ZHX3: variants seen among roughly 807,000 people sequenced by gnomAD.
ZHX3 encodes the protein zinc fingers and homeoboxes 3, also known as zinc fingers and homeoboxes protein 3.
Under a neutral mutation model 64.5 loss-of-function variants are expected in ZHX3, and 20 were observed. The observed-to-expected ratio is 0.31, with a 90% CI of 0.22 to 0.45. The LOEUF (loss-of-function observed/expected upper bound fraction) is 0.45, where lower values mean the gene tolerates loss of function less well. Ranked by LOEUF, ZHX3 falls within the 20% of genes least tolerant of loss-of-function variation. The pLI, the probability that ZHX3 is intolerant of heterozygous loss-of-function variation, is 1.00. For missense variants in ZHX3, 1,041 were observed against 1,195.8 expected (o/e 0.87, Z 1.91); for synonymous variants, 423 against 461.6 (o/e 0.92, Z 1.07).
rs905618145 is a variant in ZHX3, at chr20:41,226,051, C to T, written c.-150-20985G>A. Among the ~76,000 whole-genome samples the T allele has an allele frequency of 6.6e-6, 1 of 152,116 alleles. No individual in the cohort carries two copies. Among genetic ancestry groups the T allele is most frequent in the African/African-American group, 2.4e-5 (1 of 41,422 alleles). Reference sequence around the variant, plus strand: ...AAGAGAATGAAAAGCAAGCTGTTTTCATCATCCTACTACCACTACTAATAC... The same window carrying T: ...AAGAGAATGAAAAGCAAGCTGTTTTTATCATCCTACTACCACTACTAATAC... On this transcript the variant is annotated intron_variant, in intron 2 of 3. Transcript: ENST00000683867. The surrounding 1 kb of genome is among the most constrained non-coding windows in gnomAD (Gnocchi z 4.4).
At chr20:41,194,677 C>T (rs1568792616) in intron 3 of ZHX3, among the ~76,000 whole-genome samples, 1 of 152,134 alleles carries the variant, frequency 6.6e-6, no homozygotes, top group African/African-American at 2.4e-5. Flanking sequence ...GAAGAATTCA[C>T]CAGGGGTCCT....
At chr20:41,197,556 C>T (rs2037844048) in intron 3 of ZHX3, among the ~76,000 whole-genome samples, 1 of 151,344 alleles carries the variant, frequency 6.6e-6, no homozygotes, top group Admixed American at 6.6e-5. Context: ...TCCTTGTGTC[C>T]TTATATCTAA....
intron 2 of ZHX3, among the ~76,000 whole-genome samples, chr20:41,239,027 G>C: frequency 7.5e-6 from 1 of 132,920 alleles, no homozygotes; most frequent in Non-Finnish European, 1.6e-5. Flanking sequence ...TTGGGAGACG[G>C]AGTCTTGCTC....
chr20:41,190,399 G>C (rs760939550), intron 3 of ZHX3, among the ~76,000 whole-genome samples: 35 of 152,190 alleles, frequency 2.3e-4, no homozygotes, highest in Non-Finnish European at 4.9e-4. Flanking sequence ...TCAAGCTCCT[G>C]ACCTCAGGTG....
intron 3 of ZHX3, among the ~76,000 whole-genome samples, chr20:41,196,121 G>C (rs958250808): frequency 6.6e-6 from 1 of 150,542 alleles, no homozygotes; most frequent in Non-Finnish European, 1.5e-5. Context: ...GAGTGTTGTT[G>C]AAATCCTCTA....
chr20:41,264,607 C>T (rs571989628), intron 2 of ZHX3, among the ~76,000 whole-genome samples: 1 of 149,814 alleles, frequency 6.7e-6, no homozygotes, highest in African/African-American at 2.4e-5. Flanking sequence ...AAAAAGTAGT[C>T]AATTCTTTCA....
Position 41,194,120 on chromosome 20 carries a change from G to C in ZHX3, c.2860+7937C>G, listed in dbSNP as rs557331975. On this transcript the variant is annotated intron_variant, in intron 3 of 3. Transcript: ENST00000683867. ...AACTGCTCTGGCTAGAACTTCCAAT[G>C]CTGTTTTGAATAGATGTGGCAAAAC... Among the ~76,000 whole-genome samples the C allele has an allele frequency of 1.8e-4, 28 of 152,184 alleles. No individual in the cohort carries two copies. The South Asian group carries it at 1.9e-3, about 10-fold the overall frequency.
At chr20:41,243,256 C>A (rs1448701796) in intron 2 of ZHX3, among the ~76,000 whole-genome samples, 1 of 152,150 alleles carries the variant, frequency 6.6e-6, no homozygotes, top group Non-Finnish European at 1.5e-5. Flanking sequence ...GCTACCAGCC[C>A]AGCATCAGTA....
intron 1 of ZHX3, among the ~76,000 whole-genome samples, chr20:41,287,512 T>C (rs2043997563): frequency 1.3e-5 from 2 of 152,168 alleles, no homozygotes; most frequent in South Asian, 4.1e-4. Context: ...ACAGCAGATA[T>C]GATGAAATGT....
At chr20:41,198,595 C>T (rs1295479986) in intron 3 of ZHX3, among the ~76,000 whole-genome samples, 7 of 151,330 alleles carry the variant, frequency 4.6e-5, no homozygotes, top group Non-Finnish European at 7.4e-5. Flanking sequence ...TTCTGTGTGA[C>T]GAGTTGCTTC....
intron 1 of ZHX3, among the ~76,000 whole-genome samples, chr20:41,283,530 G>A (rs931729992): frequency 2.0e-5 from 3 of 152,100 alleles, no homozygotes; most frequent in African/African-American, 4.8e-5. Context: ...AGGCTGAGGC[G>A]GGCAGATCAC....
In ZHX3 at chr20:41,304,495, C is replaced by T. The variant is rs574028934; in HGVS notation, c.-245+13014G>A. On this transcript the variant is annotated intron_variant, in intron 1 of 3. Transcript: ENST00000683867. ...TTTACCATGCTTATTCCTCTTCTTACTGCATCCATAAGGAGAGCATTTATT... is the reference window on the plus strand; with the variant it reads ...TTTACCATGCTTATTCCTCTTCTTATTGCATCCATAAGGAGAGCATTTATT... Among the ~76,000 whole-genome samples, 3 of 152,312 alleles carry T rather than the reference C, an allele frequency of 2.0e-5. No individual in the cohort carries two copies. The South Asian group carries it at 6.2e-4, about 32-fold the overall frequency.
intron 2 of ZHX3, among the ~76,000 whole-genome samples, chr20:41,242,516 G>C (rs558935305): frequency 1.3e-5 from 2 of 152,216 alleles, no homozygotes; most frequent in Non-Finnish European, 2.9e-5. Flanking sequence ...GTGAGGAGGA[G>C]CCACATACAC....
intron 1 of ZHX3, among the ~76,000 whole-genome samples, chr20:41,310,711 T>C (rs1193371641): frequency 6.6e-6 from 1 of 151,762 alleles, no homozygotes; most frequent in Non-Finnish European, 1.5e-5. Context: ...GCTATCTTAC[T>C]TCACAAGCAT....
At chr20:41,223,493 G>GTGC (rs1410892638) in intron 2 of ZHX3, among the ~76,000 whole-genome samples, 1 of 152,214 alleles carries the variant, frequency 6.6e-6, no homozygotes, top group Non-Finnish European at 1.5e-5. Context: ...AACAAGGGAG[G>GTGC]TGCTTTTTAT....
intron 3 of ZHX3, among the ~76,000 whole-genome samples, chr20:41,186,612 A>G (rs1027671162): frequency 6.6e-6 from 1 of 152,232 alleles, no homozygotes; most frequent in African/African-American, 2.4e-5. Flanking sequence ...CCCACCAGCA[A>G]TGCACAAGGG....
chr20:41,292,936 C>A (rs2044322606), intron 1 of ZHX3, among the ~76,000 whole-genome samples: 3 of 152,162 alleles, frequency 2.0e-5, no homozygotes, highest in Admixed American at 2.0e-4. Context: ...ATAAAAGGTC[C>A]AATTGAACAT....
At chr20:41,246,284 T>G (rs2041682219) in intron 2 of ZHX3, among the ~76,000 whole-genome samples, 1 of 152,232 alleles carries the variant, frequency 6.6e-6, no homozygotes, top group South Asian at 2.1e-4. Flanking sequence ...AAATTTACAT[T>G]AAGTTCATGT....
At chr20:41,258,409 G>A (rs891196866) in intron 2 of ZHX3, among the ~76,000 whole-genome samples, 2 of 151,926 alleles carry the variant, frequency 1.3e-5, no homozygotes, top group Non-Finnish European at 2.9e-5. Flanking sequence ...TTTTTCTACC[G>A]ATGTCCCTTT....
Sources: gnomAD v4.1 joint callset for allele counts (sites outside exome capture counted in the v4.1 genomes callset) on GRCh38, gnomAD v4.1.1 for gene constraint, Gnocchi (gnomAD v3.1) non-coding constraint, MANE v1.5 for transcripts, NCBI Gene and HGNC (gene_info 2026-07-23, HGNC 2026-07-21) for gene names.